Variants in SNED1 observed in about 807,000 individuals in gnomAD.
The protein encoded by SNED1 is sushi, nidogen and EGF-like domain-containing protein 1.
In SNED1, 81 loss-of-function variants were observed where a neutral mutation model predicts 166.7. That is an observed-to-expected ratio of 0.49 (90% confidence interval 0.41 to 0.58). The LOEUF is 0.58. Ranked by LOEUF, SNED1 falls within the 20% of genes least tolerant of loss-of-function variation. The probability of loss-of-function intolerance (pLI) is 0.00; values close to 1 mark genes in which losing one functional copy is unlikely to be tolerated. For missense variants in SNED1, 1,604 were observed against 2,000.2 expected, an observed-to-expected ratio of 0.80 and a Z score of 3.78; for synonymous variants, 762 against 822.0, an observed-to-expected ratio of 0.93 and a Z score of 1.25.
intron 18 of SNED1, 128 bp from the exon 19 acceptor site, chr2:241,063,884 C>A: frequency 1.3e-6 from 1 of 789,578 alleles, no homozygotes; most frequent in Non-Finnish European, 2.0e-6. Context: ...AGGGGCGGGA[C>A]CTGCCCACTG....
intron 16 of SNED1, among the ~76,000 whole-genome samples, chr2:241,059,632 T>TA (rs149289416): frequency 0.032 from 4,872 of 152,354 alleles, 367 homozygotes; most frequent in East Asian, 0.21. Context: ...GTCTAACTTT[T>TA]AATGTCAATC....
chr2:241,048,496 G>C, intron 9 of SNED1, 56 bp downstream of exon 9: 1 of 1,547,084 alleles, frequency 6.5e-7, no homozygotes, highest in Non-Finnish European at 8.7e-7. Flanking sequence ...GACCCAGGGA[G>C]GGCCTTCCTG....
Position 241,037,258 on chromosome 2 carries a change from C to T in SNED1, c.950C>T (p.Ser317Phe). ...GTTTCAGACGTGAACGAATGTGCCT[C>T]CCAGCCCTGTCAGAATGGTGGGACC... Reference protein sequence around the residue: ...RCHLDVNECASQPCQNGGTCT... With the variant: ...RCHLDVNECAFQPCQNGGTCT... Residue 317 changes from serine to phenylalanine, a missense_variant, in exon 6 of 32, where the codon TCC (serine) becomes TTC (phenylalanine). By Grantham distance (155) the Ser-to-Phe change is radical. Around this residue, in one of 2 missense-constraint regions of SNED1, gnomAD observed 1,237 missense variants for 1,620.8 expected, o/e 0.76. Transcript: ENST00000310397. 6.2e-7 allele frequency: 1 copy of T among 1,610,706 alleles called. No individual in the cohort carries two copies. The highest frequency in any genetic ancestry group is 1.1e-5 in the South Asian group (1 of 90,210).
At chr2:241,043,060 C>T (rs1353369727) in intron 8 of SNED1, among the ~76,000 whole-genome samples, 1 of 152,058 alleles carries the variant, frequency 6.6e-6, no homozygotes, top group South Asian at 2.1e-4. Flanking sequence ...CTGGGATCCA[C>T]GTATTTGGAG....
intron 1 of SNED1, among the ~76,000 whole-genome samples, chr2:241,014,667 A>G (rs4417705): frequency 0.11 from 16,509 of 152,050 alleles, 1,697 homozygotes; most frequent in African/African-American, 0.27. Flanking sequence ...AGGTGCTGCA[A>G]ATATCTTTTC....
intron 1 of SNED1, among the ~76,000 whole-genome samples, chr2:241,029,851 C>A (rs900815192): frequency 6.6e-6 from 1 of 152,248 alleles, no homozygotes; most frequent in Non-Finnish European, 1.5e-5. Flanking sequence ...CTTGTGTGAC[C>A]CCTGCCCACC....
intron 27 of SNED1, among the ~76,000 whole-genome samples, chr2:241,077,915 G>A (rs1018291354): frequency 6.6e-6 from 1 of 152,140 alleles, no homozygotes; most frequent in Non-Finnish European, 1.5e-5. Flanking sequence ...AAACAGTCTG[G>A]CAGTTCCTTA....
chr2:241,052,336 C>T lies in SNED1; in HGVS notation c.1970-19C>T. The T allele has an allele frequency of 6.4e-7, 1 of 1,557,940 alleles. No homozygotes were observed. Among genetic ancestry groups the T allele is most frequent in the Non-Finnish European group, 8.7e-7 (1 of 1,146,462 alleles). Reference sequence around the variant, plus strand: ...TTCAGGGAAGACACAGTGGCCAGGACCTTCCTGCATTCTGGCAGCCCCCTC... The same window carrying T: ...TTCAGGGAAGACACAGTGGCCAGGATCTTCCTGCATTCTGGCAGCCCCCTC... On this transcript the variant is annotated intron_variant, in intron 14 of 31. Transcript: ENST00000310397.
chr2:241,052,386 G>A lies in SNED1; in HGVS notation c.2001G>A (p.Val667=). 1 of 1,591,606 alleles carries A rather than the reference G, an allele frequency of 6.3e-7. No individual in the cohort carries two copies. The highest frequency in any genetic ancestry group is 1.7e-5 in the Admixed American group (1 of 58,416). The change falls in exon 15 of 32, where the codon GTG becomes GTA. Residue 667 remains valine (V), a synonymous_variant. Coordinates refer to ENST00000310397, the MANE Select transcript of SNED1 (RefSeq NM_001080437.3). The stretch of plus-strand genomic sequence containing the variant: ...CCCCCTGCTTCCGGAGCCCGTGTGT[G>A]AATGGGGGCACCTGCGAGGACCGGG... ...APSPCFRSPC[V]NGGTCEDRDT...
intron 27 of SNED1, among the ~76,000 whole-genome samples, chr2:241,078,120 C>G (rs771545204): frequency 6.6e-6 from 1 of 152,142 alleles, no homozygotes; most frequent in Non-Finnish European, 1.5e-5. Context: ...CGCGGTGGCT[C>G]ACGCCTGTAA....
Position 241,069,866 on chromosome 2 carries a change from G to C in SNED1, c.3308-54G>C. On this transcript the variant is annotated intron_variant, in intron 23 of 31. Transcript: ENST00000310397. This position sits in a 1 kb window ranked among gnomAD's most constrained non-coding sequence, Gnocchi z 4.9. ...TGTCCGGTTCTCAAACCGTGTTCTT[G>C]CCAGAAGACCCTGTGGGCACCCCCT... 1 of 1,576,382 alleles carries C rather than the reference G, an allele frequency of 6.3e-7. No homozygotes were observed. The highest frequency in any genetic ancestry group is 2.2e-5 in the East Asian group (1 of 44,560).
At chr2:241,045,755 T>C (rs1395273818) in intron 8 of SNED1, among the ~76,000 whole-genome samples, 2 of 151,350 alleles carry the variant, frequency 1.3e-5, no homozygotes, top group African/African-American at 4.9e-5. Flanking sequence ...AGCAAAGTGT[T>C]CTTAGATAAG....
chr2:241,012,549 A>G (rs960141611), intron 1 of SNED1, among the ~76,000 whole-genome samples: 2 of 152,212 alleles, frequency 1.3e-5, no homozygotes, highest in African/African-American at 4.8e-5. Context: ...CGTTGTATGA[A>G]TAGACCACAG....
At chr2:241,008,171 C>T (rs1014036565) in intron 1 of SNED1, among the ~76,000 whole-genome samples, 10 of 152,254 alleles carry the variant, frequency 6.6e-5, no homozygotes, top group African/African-American at 9.6e-5. Context: ...CACCTGGGGG[C>T]GTGGCAGGAA....
intron 31 of SNED1, chr2:241,090,282 G>T: frequency 6.5e-7 from 1 of 1,545,634 alleles, no homozygotes; most frequent in African/African-American, 1.4e-5. Context: ...GCCTACACAG[G>T]GGCAGGATCA....
chr2:241,033,797 TG>T lies in SNED1; in HGVS notation c.565del (p.Glu189SerfsTer124). On this transcript the variant is annotated frameshift_variant, in exon 3 of 32. Coordinates refer to ENST00000310397, the MANE Select transcript of SNED1 (RefSeq NM_001080437.3). LOFTEE classifies it high-confidence loss of function. ...GKLSFTIFNY[E>X]SIVWTTGTHA... Reference sequence around the variant, plus strand: ...AGCTCTCCTTCACCATCTTCAACTATGAGTCCATCGTGTGGACCACAGGCAC... The same window carrying T: ...AGCTCTCCTTCACCATCTTCAACTATAGTCCATCGTGTGGACCACAGGCAC... The T allele has an allele frequency of 6.2e-7, 1 of 1,611,572 alleles. No individual in the cohort carries two copies. The highest frequency in any genetic ancestry group is 8.5e-7 in the Non-Finnish European group (1 of 1,179,448).
intron 8 of SNED1, among the ~76,000 whole-genome samples, chr2:241,047,568 C>G (rs1210650186): frequency 5.3e-5 from 8 of 152,038 alleles, no homozygotes; most frequent in Non-Finnish European, 1.2e-4. Flanking sequence ...AAGTAAGGCC[C>G]AATACATTGA....
At chr2:241,041,232 A>C (rs912065381) in intron 8 of SNED1, 15 of 176,056 alleles carry the variant, frequency 8.5e-5, no homozygotes, top group African/African-American at 3.4e-4. Flanking sequence ...GCTGCTTTAA[A>C]GTCACTGTTC....
intron 1 of SNED1, among the ~76,000 whole-genome samples, chr2:241,012,073 G>C (rs2060425686): frequency 6.6e-6 from 1 of 152,226 alleles, no homozygotes; most frequent in Non-Finnish European, 1.5e-5. Flanking sequence ...AAGGCCGACA[G>C]AAAACTCAGG....
Sources: gnomAD v4.1 joint callset for allele counts (sites outside exome capture counted in the v4.1 genomes callset) on GRCh38, gnomAD v4.1.1 for gene constraint, gnomAD v4.1.1 regional missense constraint, Gnocchi (gnomAD v3.1) non-coding constraint, MANE v1.5 for transcripts, NCBI Gene and HGNC (gene_info 2026-07-23, HGNC 2026-07-21) for gene names.